The following CCDC91 variants were observed in gnomAD, a reference collection of about 807,000 sequenced individuals.
The protein encoded by CCDC91 is coiled-coil domain containing 91.
Under a neutral mutation model 63.2 loss-of-function variants are expected in CCDC91, and 48 were observed. The ratio of observed to expected loss-of-function variants is 0.76; its 90% CI spans 0.60 to 0.97. The LOEUF is 0.97. Ranked by LOEUF, CCDC91 falls within the 50% of genes least tolerant of loss-of-function variation. The probability of loss-of-function intolerance (pLI) is 0.00; values close to 1 mark genes in which losing one functional copy is unlikely to be tolerated. For missense variants in CCDC91, 500 were observed against 494.6 expected, an observed-to-expected ratio of 1.01 and a Z score of -0.10; for synonymous variants, 167 against 165.8, an observed-to-expected ratio of 1.01 and a Z score of -0.06.
chr12:28,258,462 AT>A (rs1218997643), intron 2 of CCDC91, among the ~76,000 whole-genome samples: 1 of 152,046 alleles, frequency 6.6e-6, no homozygotes. Context: ...ACTTTGTTAT[AT>A]TCATCAAATT....
chr12:28,200,847 G>C (rs1189576590), intron 1 of CCDC91, among the ~76,000 whole-genome samples: 1 of 151,764 alleles, frequency 6.6e-6, no homozygotes, highest in African/African-American at 2.4e-5. Flanking sequence ...CCCAGTAGGG[G>C]CGGCTGGGCA....
intron 1 of CCDC91, among the ~76,000 whole-genome samples, chr12:28,237,446 C>A (rs75662290): frequency 0.018 from 2,766 of 152,140 alleles, 91 homozygotes; most frequent in African/African-American, 0.063. Flanking sequence ...TCACAAGTGT[C>A]CTCATAAGAG....
intron 6 of CCDC91, among the ~76,000 whole-genome samples, chr12:28,308,336 T>C (rs1348463326): frequency 6.6e-6 from 1 of 152,102 alleles, no homozygotes; most frequent in East Asian, 1.9e-4. Context: ...TTGTATATTA[T>C]CATTATTTCT....
At chr12:28,337,886 A>G (rs1327344867) in intron 6 of CCDC91, among the ~76,000 whole-genome samples, 5 of 151,908 alleles carry the variant, frequency 3.3e-5, no homozygotes, top group African/African-American at 9.7e-5. Flanking sequence ...TTTTTATGCT[A>G]TGAGTATTGA....
At chr12:28,350,245 GA>G (rs1364340355) in intron 6 of CCDC91, among the ~76,000 whole-genome samples, 2 of 152,060 alleles carry the variant, frequency 1.3e-5, no homozygotes, top group African/African-American at 4.8e-5. Flanking sequence ...AGGTACCTAT[GA>G]ATAATCTGCC....
rs79877710 is a variant in CCDC91, at chr12:28,385,815, A to G, written c.655-5489A>G. On this transcript the variant is annotated intron_variant, in intron 7 of 12. Transcript: ENST00000536442. ...GAGAAATCTGTGGATTTGTTGGGAC[A>G]ATGGACTGTAGTCTGGGTTGCAGTA... is the stretch of plus-strand genomic sequence containing the variant. Among the ~76,000 whole-genome samples the G allele has an allele frequency of 9.2e-3, 1,404 of 152,296 alleles. 27 individuals carry two copies. Among genetic ancestry groups the G allele is most frequent in the African/African-American group, 0.032 (1,335 of 41,570 alleles).
chr12:28,480,190 A>T (rs1211201726), intron 11 of CCDC91, among the ~76,000 whole-genome samples: 2 of 151,984 alleles, frequency 1.3e-5, no homozygotes, highest in Non-Finnish European at 2.9e-5. Flanking sequence ...AACATTCAAC[A>T]TGAGCTACTT....
At chr12:28,420,375 C>G (rs545308728) in intron 8 of CCDC91, among the ~76,000 whole-genome samples, 1 of 152,238 alleles carries the variant, frequency 6.6e-6, no homozygotes, top group East Asian at 1.9e-4. Context: ...GTTCACATAG[C>G]TCTAAATGAA....
intron 6 of CCDC91, among the ~76,000 whole-genome samples, chr12:28,354,344 C>A (rs973052453): frequency 6.6e-6 from 1 of 152,110 alleles, no homozygotes; most frequent in Non-Finnish European, 1.5e-5. Context: ...CAAATCTTCC[C>A]CTCCTTTCTC....
At chr12:28,467,951 AC>A (rs556411512) in intron 11 of CCDC91, among the ~76,000 whole-genome samples, 112 of 152,064 alleles carry the variant, frequency 7.4e-4, no homozygotes, top group Non-Finnish European at 1.4e-3. Flanking sequence ...CAAAAGCAGT[AC>A]TAAGAGTGTA....
chr12:28,323,021 T>C (rs1430694928), intron 6 of CCDC91, among the ~76,000 whole-genome samples: 1 of 151,546 alleles, frequency 6.6e-6, no homozygotes, highest in African/African-American at 2.4e-5. Flanking sequence ...TCTATTTATC[T>C]TAAGTGATTT....
intron 12 of CCDC91, among the ~76,000 whole-genome samples, chr12:28,510,335 C>G (rs1189345336): frequency 1.3e-5 from 2 of 151,194 alleles, no homozygotes; most frequent in Admixed American, 6.6e-5. Context: ...AGTCAATAAG[C>G]TGGAAACCCA....
chr12:28,346,795 G>C (rs1342042115), intron 6 of CCDC91, among the ~76,000 whole-genome samples: 1 of 152,124 alleles, frequency 6.6e-6, no homozygotes, highest in East Asian at 1.9e-4. Flanking sequence ...TTATGAGGTA[G>C]GCATGATGAT....
chr12:28,533,610 T>C (rs1466594331), intron 12 of CCDC91, among the ~76,000 whole-genome samples: 6 of 152,112 alleles, frequency 3.9e-5, no homozygotes, highest in Non-Finnish European at 8.8e-5. Context: ...CTTTGTATTA[T>C]CAAAGATTAT....
At chr12:28,236,137 G>C (rs1944932015) in intron 1 of CCDC91, 1 of 152,108 alleles carries the variant, frequency 6.6e-6, no homozygotes, top group South Asian at 2.1e-4. Flanking sequence ...ATCAAAGTTT[G>C]ATCTCTATAT....
intron 6 of CCDC91, among the ~76,000 whole-genome samples, chr12:28,335,286 A>T (rs1221109843): frequency 2.9e-5 from 4 of 136,958 alleles, no homozygotes; most frequent in African/African-American, 1.1e-4. Context: ...AATACATATT[A>T]TATATAATAT....
chr12:28,348,019 C>T (rs1942931055), intron 6 of CCDC91, among the ~76,000 whole-genome samples: 1 of 152,208 alleles, frequency 6.6e-6, no homozygotes, highest in African/African-American at 2.4e-5. Flanking sequence ...GTTTCAACTG[C>T]CCATCTACTT....
intron 8 of CCDC91, among the ~76,000 whole-genome samples, chr12:28,425,383 A>T (rs1948253633): frequency 6.6e-6 from 1 of 151,556 alleles, no homozygotes; most frequent in African/African-American, 2.4e-5. Context: ...AGTACTTTCT[A>T]CTCCTAGCCC....
At chr12:28,483,204 C>G (rs2140909268) in intron 11 of CCDC91, among the ~76,000 whole-genome samples, 1 of 151,992 alleles carries the variant, frequency 6.6e-6, no homozygotes, top group Non-Finnish European at 1.5e-5. Context: ...TACATACAGT[C>G]CACAAAGTGA....
Sources: gnomAD v4.1 joint callset for allele counts (sites outside exome capture counted in the v4.1 genomes callset) on GRCh38, gnomAD v4.1.1 for gene constraint, MANE v1.5 for transcripts, NCBI Gene and HGNC (gene_info 2026-07-23, HGNC 2026-07-21) for gene names.